The following GATA1 variants were observed in gnomAD, a reference collection of about 807,000 sequenced individuals.
GATA1 encodes GATA binding protein 1, also known as erythroid transcription factor.
In GATA1, 2 loss-of-function variants were observed where a neutral mutation model predicts 18.9. The observed-to-expected ratio is 0.11, with a 90% CI of 0.04 to 0.33. GATA1 has a LOEUF of 0.33. GATA1 is among the 10% of genes least tolerant of loss of function. The pLI is 1.00. For missense variants in GATA1, 272 were observed against 344.7 expected, an observed-to-expected ratio of 0.79 and a Z score of 1.67; for synonymous variants, 152 against 149.1, an observed-to-expected ratio of 1.02 and a Z score of -0.14.
chrX:48,788,195 GAC>G (rs1319606240), intron 1 of GATA1, among the ~76,000 whole-genome samples: 2 of 109,610 alleles, frequency 1.8e-5, no homozygotes, highest in Admixed American at 9.8e-5. Flanking sequence ...GTGAGCAGAA[GAC>G]ACACAATGAG....
In GATA1 at chrX:48,793,175, G is replaced by A. The variant is rs1557020424; in HGVS notation, c.748G>A (p.Val250Ile). ...PLIRPKKRLI[V>I]SKRAGTQCTN... is the part of the protein sequence containing the mutation. ...CTCACATCCTGTCGTCCCCTAGATT[G>A]TCAGTAAACGGGCAGGTACTCAGTG... The change falls in exon 5 of 6, where the codon GTC (valine) becomes ATC (isoleucine). Residue 250 changes from valine (V) to isoleucine (I), a missense_variant. This residue lies in a region of GATA1 where 42 missense variants were observed against 103.2 expected (regional missense o/e 0.41). Coordinates refer to ENST00000376670, the MANE Select transcript of GATA1 (RefSeq NM_002049.4). The A allele has an allele frequency of 4.1e-6, 5 of 1,210,079 alleles. No individual in the cohort carries two copies. Among genetic ancestry groups the A allele is most frequent in the Non-Finnish European group, 3.4e-6 (3 of 894,762 alleles).
Position 48,791,824 on chromosome X carries a change from T to A in GATA1, c.221-20T>A, listed in dbSNP as rs782005360. On this transcript the variant is annotated intron_variant, in intron 2 of 5. Coordinates refer to ENST00000376670, the MANE Select transcript of GATA1 (RefSeq NM_002049.4). ...CTGATTTTGCCTCTTCTTTCCTCCA[T>A]CCCTACCTGCCCCCAACAGTCTTTC... 9.1e-6 allele frequency: 11 copies of A among 1,208,790 alleles called. No homozygotes were observed. Among genetic ancestry groups the A allele is most frequent in the Non-Finnish European group, 1.1e-5 (10 of 894,830 alleles).
intron 2 of GATA1, 87 bp from the exon 3 acceptor site, chrX:48,791,757 G>C: frequency 9.2e-7 from 1 of 1,084,035 alleles, no homozygotes; most frequent in East Asian, 3.0e-5. Context: ...CCATGTTGGG[G>C]GTGCTGGGAA....
chrX:48,793,917 G>A lies in GATA1; in HGVS notation c.995G>A (p.Gly332Asp), dbSNP rs1557020575. Residue 332 changes from glycine to aspartate, a missense_variant, in exon 6 of 6, where the codon GGT becomes GAT. Physicochemically the swap from Gly to Asp is moderately conservative, Grantham distance 94. Around this residue, in one of 3 missense-constraint regions of GATA1, gnomAD observed 83 missense variants for 84.2 expected, o/e 0.99. Transcript: ENST00000376670. ...GGTGAAEGPA[G>D]GFMVVAGGSG... ...ACAGGAGCAGCCGAAGGACCAGCTG[G>A]TGGCTTTATGGTGGTGGCTGGGGGC... is the stretch of plus-strand genomic sequence containing the variant. 1.7e-6 allele frequency: 2 copies of A among 1,206,595 alleles called. No individual in the cohort carries two copies. Among genetic ancestry groups the A allele is most frequent in the Non-Finnish European group, 2.2e-6 (2 of 892,607 alleles).
intron 1 of GATA1, among the ~76,000 whole-genome samples, chrX:48,788,028 A>G (rs2062663242): frequency 9.0e-6 from 1 of 111,041 alleles, no homozygotes; most frequent in Admixed American, 9.6e-5. Flanking sequence ...CCGGAGAGTG[A>G]TAACTGGGGG....
At position 48,792,096 on chromosome X, in the gene GATA1, T is replaced by C. The variant is rs1158707019; in HGVS notation, c.473T>C (p.Val158Ala). Residue 158 changes from valine (V) to alanine (A), a missense_variant, in exon 3 of 6, where the codon GTC (valine) becomes GCC (alanine). By Grantham distance (64) the Val-to-Ala change is moderately conservative. Around this residue, in one of 3 missense-constraint regions of GATA1, gnomAD observed 147 missense variants for 157.4 expected, o/e 0.93. Transcript: ENST00000376670. Reference sequence around the variant, plus strand: ...CCTGCACTGCCTTCATCACTCCCTGTCCCCAATAGTGCTTATGGGGGCCCT... The same window carrying C: ...CCTGCACTGCCTTCATCACTCCCTGCCCCCAATAGTGCTTATGGGGGCCCT... Reference protein sequence around the residue: ...LGPALPSSLPVPNSAYGGPDF... With the variant: ...LGPALPSSLPAPNSAYGGPDF... The C allele has an allele frequency of 3.3e-6, 4 of 1,211,639 alleles. No homozygotes were observed. Among genetic ancestry groups the C allele is most frequent in the Admixed American group, 2.2e-5 (1 of 46,061 alleles).
chrX:48,792,880 C>G (rs1200286013), intron 4 of GATA1, among the ~76,000 whole-genome samples: 1 of 112,096 alleles, frequency 8.9e-6, no homozygotes, highest in Non-Finnish European at 1.9e-5. Context: ...TGGAATTGGA[C>G]TGGGATGCTG....
intron 1 of GATA1, among the ~76,000 whole-genome samples, chrX:48,789,804 G>C (rs2062668478): frequency 1.8e-5 from 2 of 111,080 alleles, no homozygotes; most frequent in Non-Finnish European, 3.8e-5. Context: ...GAGGTGGAGG[G>C]AGGAGGGAGT....
At chrX:48,791,579 G>A (rs1301345540) in intron 2 of GATA1, among the ~76,000 whole-genome samples, 5 of 111,258 alleles carry the variant, frequency 4.5e-5, no homozygotes, top group Non-Finnish European at 7.6e-5. Context: ...CCTAGTTGTC[G>A]AGTGATCCGT....
chrX:48,787,234 A>C (rs186975246), intron 1 of GATA1, among the ~76,000 whole-genome samples: 18 of 110,644 alleles, frequency 1.6e-4, no homozygotes, highest in Admixed American at 1.6e-3. Context: ...CAAACCATTT[A>C]TCTCTCCCAA....
In GATA1 at chrX:48,794,161, A is replaced by T. The variant is rs782717582; in HGVS notation, c.1239A>T (p.Ser413=). The T allele has an allele frequency of 8.5e-7, 1 of 1,181,933 alleles. No homozygotes were observed. Among genetic ancestry groups the T allele is most frequent in the East Asian group, 3.0e-5 (1 of 33,526 alleles). Residue 413 remains serine, a synonymous_variant, in exon 6 of 6, where the codon TCA becomes TCT. Coordinates refer to ENST00000376670, the MANE Select transcript of GATA1 (RefSeq NM_002049.4). ...TSTTVVAPLS[S] ...CTACTGTGGTGGCTCCGCTCAGCTC[A>T]TGAGGGCACAGAGCATGGCCTCCAG...
intron 4 of GATA1, among the ~76,000 whole-genome samples, chrX:48,792,762 C>T (rs781906355): frequency 1.1e-4 from 12 of 111,430 alleles, no homozygotes; most frequent in Non-Finnish European, 1.9e-4. Context: ...CCTCAACCTA[C>T]CCTTATAAGC....
chrX:48,791,010 G>A, intron 1 of GATA1, 81 bp from the exon 2 acceptor site: 2 of 634,925 alleles, frequency 3.1e-6, no homozygotes, highest in Non-Finnish European at 5.1e-6. Context: ...TGGGAGGAGG[G>A]GGAAAGGAGG....
Position 48,792,058 on chromosome X carries a change from C to T in GATA1, c.435C>T (p.Leu145=). 1.7e-6 allele frequency: 2 copies of T among 1,211,956 alleles called. No homozygotes were observed. Among genetic ancestry groups the T allele is most frequent in the Non-Finnish European group, 2.2e-6 (2 of 895,456 alleles). The part of the protein sequence containing the change: ...TLKTERLSPD[L]LTLGPALPSS... ...AGACAGAGCGGCTGAGCCCAGACCT[C>T]CTGACCCTGGGACCTGCACTGCCTT... Residue 145 remains leucine, a synonymous_variant, in exon 3 of 6, where the codon CTC becomes CTT. Coordinates refer to ENST00000376670, the MANE Select transcript of GATA1 (RefSeq NM_002049.4).
rs1163896612 is a variant in GATA1 at position 48,791,755 on chromosome X, G to C, written c.221-89G>C. 17 of 1,064,844 alleles carry C rather than the reference G, an allele frequency of 1.6e-5. No homozygotes were observed. In the East Asian group the frequency reaches 4.5e-4, roughly 28 times the overall value. 87.8% of individuals were successfully genotyped at this position (1,064,844 alleles called of 1,213,427 possible). A position where few individuals can be genotyped will look rare whatever the true frequency, so the allele number is the denominator to read the frequency against. ...AGCTGGGAACTTGGCCACCATGTTGGGGGTGCTGGGAACCACTGCACCCTG... is the reference window on the plus strand; with the variant it reads ...AGCTGGGAACTTGGCCACCATGTTGCGGGTGCTGGGAACCACTGCACCCTG... On this transcript the variant is annotated intron_variant, in intron 2 of 5. Coordinates refer to ENST00000376670, the MANE Select transcript of GATA1 (RefSeq NM_002049.4).
At position 48,793,969 on chromosome X, in the gene GATA1, G is replaced by A; in HGVS notation, c.1047G>A (p.Val349=). 8.3e-7 allele frequency: 1 copy of A among 1,204,744 alleles called. No individual in the cohort carries two copies. Among genetic ancestry groups the A allele is most frequent in the Non-Finnish European group, 1.1e-6 (1 of 891,575 alleles). ...GGSGSGNCGE[V]ASGLTLGPPG... Reference sequence around the variant, plus strand: ...GCGGTAGCGGGAATTGTGGGGAGGTGGCTTCAGGCCTGACACTGGGCCCCC... The same window carrying A: ...GCGGTAGCGGGAATTGTGGGGAGGTAGCTTCAGGCCTGACACTGGGCCCCC... The change falls in exon 6 of 6, where the codon GTG becomes GTA. Residue 349 remains valine, a synonymous_variant. Coordinates refer to ENST00000376670, the MANE Select transcript of GATA1 (RefSeq NM_002049.4).
Position 48,794,027 on chromosome X carries a change from C to A in GATA1, c.1105C>A (p.Pro369Thr), listed in dbSNP as rs1256960777. ...GTAHLYQGLGPVVLSGPVSHL... is the reference protein window; with the variant it reads ...GTAHLYQGLGTVVLSGPVSHL... The stretch of plus-strand genomic sequence containing the variant: ...TGCCCATCTCTACCAAGGCCTGGGC[C>A]CTGTGGTGCTGTCAGGGCCTGTTAG... Residue 369 changes from proline to threonine, a missense_variant, in exon 6 of 6, where the codon CCT becomes ACT. By Grantham distance (38) the Pro-to-Thr change is conservative. Around this residue, in one of 3 missense-constraint regions of GATA1, gnomAD observed 83 missense variants for 84.2 expected, o/e 0.99. Transcript: ENST00000376670. 5.0e-6 allele frequency: 6 copies of A among 1,209,725 alleles called. No individual in the cohort carries two copies. In the African/African-American group the frequency reaches 8.7e-5, roughly 18 times the overall value.
Position 48,794,109 on chromosome X carries a change from C to G in GATA1, c.1187C>G (p.Thr396Arg), listed in dbSNP as rs782688895. 2.5e-6 allele frequency: 3 copies of G among 1,190,955 alleles called. No individual in the cohort carries two copies. The highest frequency in any genetic ancestry group is 1.1e-6 in the Non-Finnish European group (1 of 885,472). Reference protein sequence around the residue: ...LLGSPTGSFPTGPMPPTTSTT... With the variant: ...LLGSPTGSFPRGPMPPTTSTT... ...GGCTCACCCACGGGCTCCTTCCCCA[C>G]AGGCCCCATGCCCCCCACCACCAGC... The change falls in exon 6 of 6, where the codon ACA becomes AGA. Residue 396 changes from threonine to arginine, a missense_variant. Coordinates refer to ENST00000376670, the MANE Select transcript of GATA1 (RefSeq NM_002049.4).
At chrX:48,791,526 G>A (rs1287604715) in intron 2 of GATA1, among the ~76,000 whole-genome samples, 197 bp downstream of exon 2, 1 of 112,115 alleles carries the variant, frequency 8.9e-6, no homozygotes, top group Non-Finnish European at 1.9e-5. Context: ...CCATATTGGG[G>A]CGGCCACACT....
Sources: allele counts gnomAD v4.1 joint callset (sites outside exome capture counted in the v4.1 genomes callset), GRCh38; gene constraint gnomAD v4.1.1; regional missense constraint gnomAD v4.1.1; transcripts MANE v1.5; gene names NCBI Gene and HGNC (gene_info 2026-07-23, HGNC 2026-07-21).